KLHL8: variants seen among roughly 807,000 people sequenced by gnomAD.
The protein encoded by KLHL8 is kelch-like protein 8.
In KLHL8, 38 loss-of-function variants were observed where a neutral mutation model predicts 63.5. That is an observed-to-expected ratio of 0.60 (90% CI 0.46 to 0.78). The LOEUF (loss-of-function observed/expected upper bound fraction) is 0.78. KLHL8 is among the 30% of genes least tolerant of loss of function. The probability of loss-of-function intolerance (pLI) is 0.00; values close to 1 mark genes in which losing one functional copy is unlikely to be tolerated. For missense variants in KLHL8, 566 were observed against 752.4 expected (o/e 0.75, Z 2.90); for synonymous variants, 224 against 254.3 (o/e 0.88, Z 1.13).
chr4:87,222,920 TTTTG>T (rs1288639133), upstream of KLHL8, among the ~76,000 whole-genome samples: 1 of 151,910 alleles, frequency 6.6e-6, no homozygotes, highest in Non-Finnish European at 1.5e-5. Context: ...TTAATAGAAA[TTTTG>T]TTTTTTATAG....
intron 9 of KLHL8, 43 bp from the exon 10 acceptor site, chr4:87,163,685 CT>C: frequency 1.2e-6 from 2 of 1,609,090 alleles, no homozygotes; most frequent in Non-Finnish European, 1.7e-6. Flanking sequence ...GCATAATTTA[CT>C]TTACTCAAAA....
intron 3 of KLHL8, among the ~76,000 whole-genome samples, chr4:87,184,569 T>C (rs1731179240): frequency 6.6e-6 from 1 of 152,138 alleles, no homozygotes; most frequent in Non-Finnish European, 1.5e-5. Context: ...ACTCTTCTTT[T>C]AAGTAGCAAA....
At chr4:87,183,478 A>G (rs1731132552) in intron 3 of KLHL8, 89 bp from the exon 4 acceptor site, 9 of 1,007,260 alleles carry the variant, frequency 8.9e-6, no homozygotes, top group Non-Finnish European at 1.3e-5. Flanking sequence ...AAAGGTGAAA[A>G]CAAGATGAGT....
At chr4:87,235,347 A>G (rs1733207990) in intron 1 of KLHL8, among the ~76,000 whole-genome samples, 1 of 152,166 alleles carries the variant, frequency 6.6e-6, no homozygotes, top group African/African-American at 2.4e-5. Flanking sequence ...CTAGTTGCCT[A>G]CAGTATTCAG....
chr4:87,229,651 C>T (rs1180212639), intron 1 of KLHL8, among the ~76,000 whole-genome samples: 1 of 151,392 alleles, frequency 6.6e-6, no homozygotes, highest in African/African-American at 2.4e-5. Context: ...AGGCTGGTGT[C>T]GGACTCCTAA....
rs1730131738 is a variant in KLHL8 at position 87,160,850 on chromosome 4, CAT to C, written c.*2667_*2668del. ...ATCATTTTTTGGTAGGTGCTGTTAACATATGAGGTTAAAGTGGTAAGTCTCAC... is the reference window on the plus strand; with the variant it reads ...ATCATTTTTTGGTAGGTGCTGTTAACATGAGGTTAAAGTGGTAAGTCTCAC... On this transcript the variant is annotated 3_prime_UTR_variant, in exon 10 of 10. Transcript: ENST00000273963. 6.6e-6 allele frequency: 1 copy of C among 152,110 alleles called. No individual in the cohort carries two copies. Among genetic ancestry groups the C allele is most frequent in the African/African-American group, 2.4e-5 (1 of 41,418 alleles). 9.4% of individuals were successfully genotyped at this position (152,110 alleles called of 1,614,324 possible).
intron 8 of KLHL8, among the ~76,000 whole-genome samples, chr4:87,168,299 A>G (rs1251307631): frequency 1.3e-5 from 2 of 152,090 alleles, no homozygotes; most frequent in African/African-American, 4.8e-5. Context: ...AGGGTTTTGC[A>G]GGTTTCTAGA....
chr4:87,163,342 A>G lies in KLHL8; in HGVS notation c.*177T>C, dbSNP rs1730249072. ...AGCAGGAAGTATCAAATTTAACTCT[A>G]TTACTAATAATTCTTCAGGTATCAT... On this transcript the variant is annotated 3_prime_UTR_variant, in exon 10 of 10. Transcript: ENST00000273963. The G allele has an allele frequency of 1.7e-5, 9 of 527,066 alleles. No homozygotes were observed. In the Admixed American group the frequency reaches 3.3e-4, roughly 19 times the overall value. The allele number at this position is 527,066 out of a possible 1,614,324, so 32.6% of individuals were successfully genotyped here. A position where few individuals can be genotyped will look rare whatever the true frequency, so the allele number is the denominator to read the frequency against.
chr4:87,178,727 G>C, intron 4 of KLHL8, 107 bp from the exon 5 acceptor site: 1 of 1,090,990 alleles, frequency 9.2e-7, no homozygotes, highest in East Asian at 2.8e-5. Flanking sequence ...AAGTTATTTG[G>C]ATAGTATTCA....
chr4:87,207,668 T>C, intron 1 of KLHL8: 3 of 1,150,700 alleles, frequency 2.6e-6, no homozygotes, highest in South Asian at 1.2e-5. Context: ...TCTGGGAAAC[T>C]GTGGCGTGAC....
In KLHL8 at chr4:87,182,558, G is replaced by A. The variant is rs552021200; in HGVS notation, c.952+645C>T. 7.9e-4 allele frequency among the ~76,000 whole-genome samples: 120 copies of A among 151,878 alleles called. 1 individual carries two copies. The Middle Eastern group carries it at 0.014, about 17-fold the overall frequency. The stretch of plus-strand genomic sequence containing the variant: ...TTCACTCATGTCTCAAATATGTTAC[G>A]CTTTATAAATATTTTATTAAAAAGT... On this transcript the variant is annotated intron_variant, in intron 4 of 9. Coordinates refer to ENST00000273963, the MANE Select transcript of KLHL8 (RefSeq NM_020803.5).
At chr4:87,228,263 C>A (rs1733069934) in intron 1 of KLHL8, among the ~76,000 whole-genome samples, 1 of 152,148 alleles carries the variant, frequency 6.6e-6, no homozygotes, top group Admixed American at 6.5e-5. Flanking sequence ...TTCTGTGAGT[C>A]ATTCTAATGA....
At chr4:87,210,559 T>G (rs1049632994) in intron 1 of KLHL8, among the ~76,000 whole-genome samples, 1 of 152,204 alleles carries the variant, frequency 6.6e-6, no homozygotes, top group Non-Finnish European at 1.5e-5. Flanking sequence ...AAGATTATAT[T>G]TTATAGCAGT....
chr4:87,190,331 T>A (rs532370423), intron 2 of KLHL8, among the ~76,000 whole-genome samples: 62 of 152,272 alleles, frequency 4.1e-4, no homozygotes, highest in African/African-American at 1.4e-3. Flanking sequence ...GTAATAATAA[T>A]CTTGATACTT....
At chr4:87,226,809 T>TA (rs1560723644) in intron 1 of KLHL8, among the ~76,000 whole-genome samples, 1 of 7,772 alleles carries the variant, frequency 1.3e-4, no homozygotes, top group South Asian at 2.6e-3. Context: ...ATAATATATA[T>TA]TATATATAAT....
At chr4:87,236,753 C>G (rs1186166485) in intron 1 of KLHL8, among the ~76,000 whole-genome samples, 2 of 148,254 alleles carry the variant, frequency 1.3e-5, no homozygotes, top group African/African-American at 5.0e-5. Flanking sequence ...CAAACTCTAC[C>G]TCCCGGGTTC....
chr4:87,167,407 G>T, intron 8 of KLHL8: 1 of 458,156 alleles, frequency 2.2e-6, no homozygotes. Context: ...TTATCTGGGT[G>T]GGCCAAATAA....
At chr4:87,209,987 G>A (rs1732334540) in intron 1 of KLHL8, among the ~76,000 whole-genome samples, 2 of 151,722 alleles carry the variant, frequency 1.3e-5, no homozygotes, top group African/African-American at 4.8e-5. Flanking sequence ...CTGAGTAGCT[G>A]GGACTACATA....
At chr4:87,197,952 GTAAATAAATAAA>G (rs35183985) in intron 1 of KLHL8, among the ~76,000 whole-genome samples, 5 of 139,762 alleles carry the variant, frequency 3.6e-5, no homozygotes, top group East Asian at 2.1e-4. Flanking sequence ...ACAGACAATA[GTAAATAAATAAA>G]TAAATAAATA....
Sources: gnomAD v4.1 joint callset for allele counts (sites outside exome capture counted in the v4.1 genomes callset) on GRCh38, gnomAD v4.1.1 for gene constraint, MANE v1.5 for transcripts, NCBI Gene and HGNC (gene_info 2026-07-23, HGNC 2026-07-21) for gene names.